Variants in LMO4 observed in about 807,000 individuals in gnomAD.
LMO4 encodes the protein LIM domain transcription factor LMO4.
Under a neutral mutation model 18.5 loss-of-function variants are expected in LMO4, and 3 were observed. The observed-to-expected ratio is 0.16, with a 90% CI of 0.07 to 0.42. The LOEUF is 0.42. Among genes scored for constraint, LMO4 ranks in the 10% least tolerant of loss-of-function variants. The pLI is 0.99. For missense variants in LMO4, 121 were observed against 219.9 expected (o/e 0.55, Z 2.84); for synonymous variants, 100 against 88.1 (o/e 1.14, Z -0.76).
chr1:87,338,136 T>C (rs1014269530), intron 2 of LMO4, among the ~76,000 whole-genome samples: 1 of 152,198 alleles, frequency 6.6e-6, no homozygotes, highest in South Asian at 2.1e-4. Context: ...TTACAGGCTA[T>C]TTTCAATAAA....
intron 2 of LMO4, among the ~76,000 whole-genome samples, chr1:87,332,826 G>GA (rs367891036): frequency 1.7e-4 from 25 of 151,100 alleles, no homozygotes; most frequent in East Asian, 1.2e-3. Flanking sequence ...TTCTTATAGA[G>GA]AAAAAAAAAG....
chr1:87,330,233 A>G (rs1373125336), intron 1 of LMO4, among the ~76,000 whole-genome samples: 3 of 151,974 alleles, frequency 2.0e-5, no homozygotes, highest in Non-Finnish European at 4.4e-5. Context: ...ACCTCTCACT[A>G]AAGATGGGGG....
chr1:87,340,133 T>C lies in LMO4; in HGVS notation c.420T>C (p.Asp140=). 1 of 1,614,176 alleles carries C rather than the reference T, an allele frequency of 6.2e-7. No homozygotes were observed. The highest frequency in any genetic ancestry group is 1.1e-5 in the South Asian group (1 of 91,084). The part of the protein sequence containing the change: ...YINGSLFCEH[D]RPTALINGHL... ...ATGGCAGTTTATTTTGTGAACATGA[T>C]AGACCTACAGCTCTCATCAATGGCC... Residue 140 remains aspartate, a synonymous_variant, in exon 4 of 5, where the codon GAT becomes GAC. Transcript: ENST00000370544.
At chr1:87,334,281 A>G (rs2100776036) in intron 2 of LMO4, among the ~76,000 whole-genome samples, 1 of 152,232 alleles carries the variant, frequency 6.6e-6, no homozygotes, top group African/African-American at 2.4e-5. Flanking sequence ...TCTAGGAGAG[A>G]TGAGTTCTAG....
rs886178635 is a variant in LMO4 at position 87,345,080 on chromosome 1, G to C, written c.*284G>C. The C allele has an allele frequency of 2.8e-6, 1 of 354,580 alleles. No homozygotes were observed. The highest frequency in any genetic ancestry group is 2.1e-5 in the African/African-American group (1 of 47,122). The allele number at this position is 354,580 out of a possible 1,614,324, so 22.0% of individuals were successfully genotyped here. A position where few individuals can be genotyped will look rare whatever the true frequency, so the allele number is the denominator to read the frequency against. On this transcript the variant is annotated 3_prime_UTR_variant, in exon 5 of 5. Coordinates refer to ENST00000370544, the MANE Select transcript of LMO4 (RefSeq NM_006769.4). ...TCTTGGGGAGGGGGAGGGAGCTGGG[G>C]GGGAGGGAAATGACTAATGAAGCTA...
Position 87,336,997 on chromosome 1 carries a change from C to T in LMO4, c.237-2539C>T, listed in dbSNP as rs577337920. Among the ~76,000 whole-genome samples, 22 of 152,278 alleles carry T rather than the reference C, an allele frequency of 1.4e-4. No homozygotes were observed. The South Asian group carries it at 4.4e-3, about 30-fold the overall frequency. Reference sequence around the variant, plus strand: ...GAAAAAACACACACACACACGCACACACAACTTTTCAGAAAAAGGGTGGAA... The same window carrying T: ...GAAAAAACACACACACACACGCACATACAACTTTTCAGAAAAAGGGTGGAA... On this transcript the variant is annotated intron_variant, in intron 2 of 4. Coordinates refer to ENST00000370544, the MANE Select transcript of LMO4 (RefSeq NM_006769.4).
At chr1:87,333,512 G>A (rs1650210580) in intron 2 of LMO4, among the ~76,000 whole-genome samples, 1 of 152,138 alleles carries the variant, frequency 6.6e-6, no homozygotes, top group African/African-American at 2.4e-5. Context: ...GACTAACATT[G>A]TAAAAGATCC....
At chr1:87,341,191 T>C (rs1650464410) in intron 4 of LMO4, among the ~76,000 whole-genome samples, 1 of 152,226 alleles carries the variant, frequency 6.6e-6, no homozygotes. Flanking sequence ...TGATTATGTA[T>C]TGATGACATT....
At chr1:87,330,735 C>T (rs921271876) in intron 1 of LMO4, among the ~76,000 whole-genome samples, 1 of 152,108 alleles carries the variant, frequency 6.6e-6, no homozygotes, top group Non-Finnish European at 1.5e-5. Context: ...CCGGGAGCCT[C>T]AGGGGGAGCC....
Position 87,329,211 on chromosome 1 carries a change from CCT to C in LMO4, c.-33_-32del, listed in dbSNP as rs1650057756. The C allele has an allele frequency of 6.6e-6, 1 of 152,418 alleles. No individual in the cohort carries two copies. Among genetic ancestry groups the C allele is most frequent in the African/African-American group, 2.4e-5 (1 of 41,438 alleles). 9.4% of individuals were successfully genotyped at this position (152,418 alleles called of 1,614,324 possible). A position where few individuals can be genotyped will look rare whatever the true frequency, so the allele number is the denominator to read the frequency against. On this transcript the variant is annotated 5_prime_UTR_variant, in exon 1 of 5. Transcript: ENST00000370544. Reference sequence around the variant, plus strand: ...CTTCGCTCGCATTTCACCGCCGCCGCCTCTCGCAATATTGCAATATAGGGGAA... The same window carrying C: ...CTTCGCTCGCATTTCACCGCCGCCGCCTCGCAATATTGCAATATAGGGGAA...
intron 2 of LMO4, among the ~76,000 whole-genome samples, chr1:87,333,066 A>G (rs1373203924): frequency 1.3e-5 from 2 of 152,240 alleles, no homozygotes; most frequent in Non-Finnish European, 2.9e-5. Flanking sequence ...AAAGCAATGT[A>G]TAGGAACATT....
At chr1:87,330,143 A>G (rs2100771975) in intron 1 of LMO4, among the ~76,000 whole-genome samples, 1 of 151,832 alleles carries the variant, frequency 6.6e-6, no homozygotes, top group Admixed American at 6.6e-5. Context: ...GCTTGTCCTT[A>G]AGAGCTTTAG....
Position 87,346,074 on chromosome 1 carries a change from CTCTT to C in LMO4, c.*1280_*1283del, listed in dbSNP as rs1650617595. The stretch of plus-strand genomic sequence containing the variant: ...CTCACTTAGTTGTAGGGACCCAGAG[CTCTT>C]TTTTTATGGTGATCTTTGATTGGTG... On this transcript the variant is annotated 3_prime_UTR_variant, in exon 5 of 5. Transcript: ENST00000370544. The C allele has an allele frequency of 6.6e-6, 1 of 152,198 alleles. No individual in the cohort carries two copies. Among genetic ancestry groups the C allele is most frequent in the South Asian group, 2.1e-4 (1 of 4,828 alleles). 9.4% of individuals were successfully genotyped at this position (152,198 alleles called of 1,614,324 possible).
intron 2 of LMO4, 72 bp from the exon 3 acceptor site, chr1:87,339,464 T>C: frequency 9.6e-7 from 1 of 1,042,034 alleles, no homozygotes; most frequent in Non-Finnish European, 1.5e-6. Context: ...GCCCAGAGTC[T>C]GGGGGTGTTT....
At position 87,348,065 on chromosome 1, in the gene LMO4, A is replaced by C. The variant is rs1650685401; in HGVS notation, c.*3269A>C. The C allele has an allele frequency of 6.6e-6, 1 of 152,320 alleles. No homozygotes were observed. Among genetic ancestry groups the C allele is most frequent in the Non-Finnish European group, 1.5e-5 (1 of 68,028 alleles). The allele number at this position is 152,320 out of a possible 1,614,324, so 9.4% of individuals were successfully genotyped here. ...CTAATCATCTAAAAGGAAGCTCTTAAAGGGCTTTAAATGTCAATATAGTAA... is the reference window on the plus strand; with the variant it reads ...CTAATCATCTAAAAGGAAGCTCTTACAGGGCTTTAAATGTCAATATAGTAA... On this transcript the variant is annotated 3_prime_UTR_variant, in exon 5 of 5. Transcript: ENST00000370544.
intron 4 of LMO4, 84 bp from the exon 5 acceptor site, chr1:87,344,704 G>A (rs1053623444): frequency 1.5e-5 from 20 of 1,333,970 alleles, no homozygotes; most frequent in Non-Finnish European, 2.1e-5. Context: ...AGTGAATGTG[G>A]GGAAGACAAA....
At chr1:87,343,311 T>C (rs1309052321) in intron 4 of LMO4, among the ~76,000 whole-genome samples, 2 of 152,228 alleles carry the variant, frequency 1.3e-5, no homozygotes, top group Non-Finnish European at 2.9e-5. Flanking sequence ...AATCTTGCAT[T>C]TCAGATGGAC....
In LMO4 at chr1:87,340,188, C is replaced by T. The variant is rs772309424; in HGVS notation, c.475C>T (p.Leu159=). 2 of 1,614,128 alleles carry T rather than the reference C, an allele frequency of 1.2e-6. No individual in the cohort carries two copies. The highest frequency in any genetic ancestry group is 2.2e-5 in the South Asian group (2 of 91,080). Residue 159 remains leucine, a synonymous_variant, in exon 4 of 5, where the codon CTG becomes TTG. Transcript: ENST00000370544. The stretch of plus-strand genomic sequence containing the variant: ...GAATTCACTTCAGAGCAATCCACTA[C>T]TGCCAGACCAGAAGGTGAATACCCA... The part of the protein sequence containing the change: ...HLNSLQSNPL[L]PDQKVC
At chr1:87,341,149 G>A (rs928009108) in intron 4 of LMO4, among the ~76,000 whole-genome samples, 2 of 152,176 alleles carry the variant, frequency 1.3e-5, no homozygotes, top group South Asian at 4.1e-4. Flanking sequence ...TATGACTCGT[G>A]TGCATAATTT....
Sources: gnomAD v4.1 joint callset for allele counts (sites outside exome capture counted in the v4.1 genomes callset) on GRCh38, gnomAD v4.1.1 for gene constraint, MANE v1.5 for transcripts, NCBI Gene and HGNC (gene_info 2026-07-23, HGNC 2026-07-21) for gene names.